Variants in PAM observed in about 807,000 individuals in gnomAD.
PAM encodes the protein peptidyl-glycine alpha-amidating monooxygenase.
Under a neutral mutation model 122.1 loss-of-function variants are expected in PAM, and 72 were observed. The observed-to-expected ratio is 0.59, with a 90% confidence interval of 0.49 to 0.72. The LOEUF (loss-of-function observed/expected upper bound fraction) is 0.72, where lower values mean the gene tolerates loss of function less well. PAM is among the 30% of genes least tolerant of loss of function. PAM has a pLI of 0.00. For synonymous variants in PAM, 389 were observed against 404.4 expected (o/e 0.96, Z 0.46); for missense variants, 1,106 against 1,183.7 (o/e 0.93, Z 0.96).
At chr5:102,845,920 A>G (rs1185276165) in intron 1 of PAM, among the ~76,000 whole-genome samples, 1 of 152,206 alleles carries the variant, frequency 6.6e-6, no homozygotes. Flanking sequence ...TCTATGTTTT[A>G]TCATATACTA....
intron 22 of PAM, among the ~76,000 whole-genome samples, chr5:103,019,470 G>C (rs1412636108): frequency 6.6e-6 from 1 of 152,138 alleles, no homozygotes; most frequent in Non-Finnish European, 1.5e-5. Flanking sequence ...GTCAGAACTA[G>C]TAATCAGTCT....
chr5:102,853,562 C>A (rs144416564), intron 1 of PAM, among the ~76,000 whole-genome samples: 1 of 152,276 alleles, frequency 6.6e-6, no homozygotes, highest in Non-Finnish European at 1.5e-5. Flanking sequence ...ACACTAATAA[C>A]AACTTGTGAT....
intron 15 of PAM, among the ~76,000 whole-genome samples, chr5:102,980,331 CT>C (rs1047488379): frequency 6.6e-6 from 1 of 152,142 alleles, no homozygotes; most frequent in African/African-American, 2.4e-5. Context: ...GAATTTTTAA[CT>C]TCTCTATCAT....
chr5:102,839,556 A>T (rs1449048502), intron 1 of PAM, among the ~76,000 whole-genome samples: 1 of 150,612 alleles, frequency 6.6e-6, no homozygotes, highest in Non-Finnish European at 1.5e-5. Flanking sequence ...AAAAAAAAAA[A>T]ATTGTGCCAG....
At chr5:102,814,122 AG>A (rs1347037565) in intron 1 of PAM, among the ~76,000 whole-genome samples, 1 of 152,214 alleles carries the variant, frequency 6.6e-6, no homozygotes, top group African/African-American at 2.4e-5. Context: ...AGGGTGCATG[AG>A]GGGATGGCAA....
intron 1 of PAM, among the ~76,000 whole-genome samples, chr5:102,835,999 T>C (rs986079446): frequency 1.3e-5 from 2 of 152,134 alleles, no homozygotes; most frequent in Non-Finnish European, 2.9e-5. Context: ...AAGGGAATAA[T>C]ATATCACTTG....
At chr5:102,996,124 C>G (rs1166811212) in intron 16 of PAM, among the ~76,000 whole-genome samples, 1 of 152,120 alleles carries the variant, frequency 6.6e-6, no homozygotes, top group Non-Finnish European at 1.5e-5. Context: ...TTCTTCCCAG[C>G]CTTATCTAAA....
chr5:102,795,022 T>G lies in PAM; in HGVS notation c.-374+39674T>G, dbSNP rs139421555. Among the ~76,000 whole-genome samples, 1,285 of 151,250 alleles carry G rather than the reference T, an allele frequency of 8.5e-3. 16 individuals carry two copies. Among genetic ancestry groups the G allele is most frequent in the African/African-American group, 0.03 (1,242 of 41,254 alleles). On this transcript the variant is annotated intron_variant, in intron 1 of 25. Coordinates refer to ENST00000438793, the MANE Select transcript of PAM (RefSeq NM_001177306.2). ...CTGGTCAACATAGGGAAACCCCATC[T>G]CTACAAAAAATAAAAAAATTAGCTG...
chr5:102,940,159 C>T (rs1408726731), intron 7 of PAM, among the ~76,000 whole-genome samples: 1 of 151,180 alleles, frequency 6.6e-6, no homozygotes, highest in East Asian at 1.9e-4. Context: ...CATACACACA[C>T]ACACATATAT....
intron 5 of PAM, among the ~76,000 whole-genome samples, chr5:102,920,094 G>A (rs1746875424): frequency 6.6e-6 from 1 of 152,010 alleles, no homozygotes; most frequent in Admixed American, 6.6e-5. Flanking sequence ...TCTCAGCTCT[G>A]CTACTTGGTA....
At chr5:102,793,179 G>T (rs1046056903) in intron 1 of PAM, among the ~76,000 whole-genome samples, 1 of 152,034 alleles carries the variant, frequency 6.6e-6, no homozygotes, top group Non-Finnish European at 1.5e-5. Context: ...AATTCCCTCC[G>T]TGTAAATTAA....
chr5:102,977,147 CA>C (rs1767944691), intron 15 of PAM, among the ~76,000 whole-genome samples: 1 of 152,102 alleles, frequency 6.6e-6, no homozygotes, highest in African/African-American at 2.4e-5. Flanking sequence ...ATTAATAGAT[CA>C]GCTCAAAAAT....
intron 15 of PAM, among the ~76,000 whole-genome samples, chr5:102,984,378 G>T (rs1392507399): frequency 6.6e-6 from 1 of 152,108 alleles, no homozygotes; most frequent in Non-Finnish European, 1.5e-5. Flanking sequence ...GACTGAAAGT[G>T]AAGGAATAGT....
chr5:102,953,386 G>T (rs916525431), intron 12 of PAM, among the ~76,000 whole-genome samples: 8 of 152,142 alleles, frequency 5.3e-5, no homozygotes, highest in Non-Finnish European at 1.2e-4. Flanking sequence ...TACAAGGAGG[G>T]GGGGGAATCC....
intron 1 of PAM, among the ~76,000 whole-genome samples, chr5:102,797,510 G>T (rs961724193): frequency 6.6e-6 from 1 of 152,096 alleles, no homozygotes; most frequent in Non-Finnish European, 1.5e-5. Context: ...CTTTCGACCT[G>T]CTGTAGCAGT....
chr5:102,844,902 A>T (rs1033598783), intron 1 of PAM, among the ~76,000 whole-genome samples: 1 of 152,158 alleles, frequency 6.6e-6, no homozygotes, highest in African/African-American at 2.4e-5. Context: ...TAGTTTTTAC[A>T]TACAGGACTT....
chr5:102,801,880 G>C (rs987420127), intron 1 of PAM, among the ~76,000 whole-genome samples: 6 of 142,874 alleles, frequency 4.2e-5, no homozygotes, highest in Non-Finnish European at 9.0e-5. Flanking sequence ...CTGGGTTCAC[G>C]CCATTCTCCT....
chr5:103,024,624 AT>A (rs910594293), intron 23 of PAM, among the ~76,000 whole-genome samples: 1 of 152,168 alleles, frequency 6.6e-6, no homozygotes, highest in South Asian at 2.1e-4. Context: ...TATTATATAC[AT>A]TTTTTATGAC....
At chr5:102,972,600 G>T (rs544562013) in intron 14 of PAM, among the ~76,000 whole-genome samples, 1 of 152,084 alleles carries the variant, frequency 6.6e-6, no homozygotes, top group Non-Finnish European at 1.5e-5. Context: ...TTAAATAATG[G>T]TTTATCTCTC....
Sources: allele counts gnomAD v4.1 joint callset (sites outside exome capture counted in the v4.1 genomes callset), GRCh38; gene constraint gnomAD v4.1.1; transcripts MANE v1.5; gene names NCBI Gene and HGNC (gene_info 2026-07-23, HGNC 2026-07-21).